SDK1: variants seen among roughly 807,000 people sequenced by gnomAD.
SDK1 encodes sidekick cell adhesion molecule 1.
Under a neutral mutation model 245.5 loss-of-function variants are expected in SDK1, and 157 were observed. The observed-to-expected ratio is 0.64, with a 90% confidence interval of 0.56 to 0.73. SDK1 has a LOEUF of 0.73. Ranked by LOEUF, SDK1 falls within the 30% of genes least tolerant of loss-of-function variation. The pLI, the probability that SDK1 is intolerant of heterozygous loss-of-function variation, is 0.00. For missense variants in SDK1, 3,583 were observed against 3,002.3 expected, an observed-to-expected ratio of 1.19 and a Z score of -4.52; for synonymous variants, 1,647 against 1,278.5, an observed-to-expected ratio of 1.29 and a Z score of -6.15.
intron 5 of SDK1, among the ~76,000 whole-genome samples, chr7:3,823,360 G>T (rs997133717): frequency 1.3e-5 from 2 of 152,100 alleles, no homozygotes; most frequent in Non-Finnish European, 2.9e-5. Context: ...GTCAAAGGGG[G>T]TGAAATTCTG....
At chr7:3,565,092 TG>T (rs1455230133) in intron 1 of SDK1, among the ~76,000 whole-genome samples, 7 of 151,664 alleles carry the variant, frequency 4.6e-5, no homozygotes, top group African/African-American at 1.7e-4. Flanking sequence ...TTGCTACTAC[TG>T]TCACTTTTAT....
rs1022958021 is a variant in SDK1, at chr7:4,056,838, C to T, written c.2911+5008C>T. 5.7e-4 allele frequency among the ~76,000 whole-genome samples: 86 copies of T among 150,778 alleles called. 1 individual carries two copies. The highest frequency in any genetic ancestry group is 1.8e-4 in the Non-Finnish European group (12 of 67,894). On this transcript the variant is annotated intron_variant, in intron 19 of 44. Coordinates refer to ENST00000404826, the MANE Select transcript of SDK1 (RefSeq NM_152744.4). The stretch of plus-strand genomic sequence containing the variant: ...CACCAGACCATTCCGCCCCGGGTCC[C>T]GACAGACCATTCTGCTCCGGGTCCC...
rs182225380 is a variant in SDK1 at position 3,828,578 on chromosome 7, A to G, written c.847+6995A>G. Among the ~76,000 whole-genome samples the G allele has an allele frequency of 5.5e-4, 83 of 151,560 alleles. 1 individual carries two copies. The highest frequency in any genetic ancestry group is 1.8e-3 in the African/African-American group (76 of 41,466). ...AATTGTAACAATAACTCAATCCAAG[A>G]GAAGGTTTGTTTTGGTTTGGTTTGC... On this transcript the variant is annotated intron_variant, in intron 5 of 44. Transcript: ENST00000404826.
At chr7:3,623,314 C>G (rs945590231) in intron 2 of SDK1, among the ~76,000 whole-genome samples, 1 of 139,964 alleles carries the variant, frequency 7.1e-6, no homozygotes, top group African/African-American at 2.7e-5. Flanking sequence ...GTGGAGCGAT[C>G]TCGGCTCACT....
At chr7:3,712,612 A>G (rs923577822) in intron 4 of SDK1, among the ~76,000 whole-genome samples, 2 of 152,162 alleles carry the variant, frequency 1.3e-5, no homozygotes, top group African/African-American at 2.4e-5. Flanking sequence ...ACAGCATTAT[A>G]ACGATATTGT....
chr7:3,949,309 T>A (rs1299475349), intron 5 of SDK1, among the ~76,000 whole-genome samples: 1 of 152,228 alleles, frequency 6.6e-6, no homozygotes, highest in Non-Finnish European at 1.5e-5. Context: ...GGCTTCTGTT[T>A]TTCTTTTAGA....
intron 1 of SDK1, among the ~76,000 whole-genome samples, chr7:3,341,975 G>A (rs1311789987): frequency 6.6e-6 from 1 of 152,026 alleles, no homozygotes; most frequent in Non-Finnish European, 1.5e-5. Context: ...TAACTAAAAC[G>A]ATCTAGTAAA....
At chr7:3,873,378 C>G (rs1351857861) in intron 5 of SDK1, among the ~76,000 whole-genome samples, 2 of 151,788 alleles carry the variant, frequency 1.3e-5, no homozygotes. Flanking sequence ...TTTTATTTGT[C>G]CCTTCTTTTT....
intron 5 of SDK1, among the ~76,000 whole-genome samples, chr7:3,824,247 A>G (rs933185654): frequency 2.6e-5 from 4 of 152,182 alleles, no homozygotes; most frequent in Non-Finnish European, 5.9e-5. Flanking sequence ...AGACTTAGAT[A>G]TCTTTTTCTT....
At chr7:3,522,450 A>G (rs771385172) in intron 1 of SDK1, among the ~76,000 whole-genome samples, 1 of 152,190 alleles carries the variant, frequency 6.6e-6, no homozygotes, top group African/African-American at 2.4e-5. Flanking sequence ...CTTCAGACCC[A>G]CAGCTTAAAA....
At chr7:3,317,151 A>G (rs1195094170) in intron 1 of SDK1, among the ~76,000 whole-genome samples, 5 of 133,778 alleles carry the variant, frequency 3.7e-5, no homozygotes, top group African/African-American at 5.9e-5. Context: ...ACTGCATTCC[A>G]ACCTGGGCAA....
intron 44 of SDK1, among the ~76,000 whole-genome samples, chr7:4,259,286 A>G (rs921348712): frequency 5.3e-5 from 8 of 152,140 alleles, no homozygotes; most frequent in Admixed American, 3.3e-4. Context: ...TAAAAATACA[A>G]AAATTAGCCA....
At chr7:3,499,995 G>A (rs755358313) in intron 1 of SDK1, among the ~76,000 whole-genome samples, 4 of 152,158 alleles carry the variant, frequency 2.6e-5, no homozygotes, top group Non-Finnish European at 5.9e-5. Flanking sequence ...GATAGAGTGG[G>A]AACTCCATTA....
chr7:3,439,501 G>T (rs142527955), intron 1 of SDK1, among the ~76,000 whole-genome samples: 1 of 152,126 alleles, frequency 6.6e-6, no homozygotes, highest in Non-Finnish European at 1.5e-5. Context: ...CAGTTAATGT[G>T]CCAAGAAGCA....
intron 20 of SDK1, among the ~76,000 whole-genome samples, chr7:4,074,777 C>T (rs753746412): frequency 1.4e-4 from 21 of 149,854 alleles, no homozygotes; most frequent in Non-Finnish European, 1.6e-4. Flanking sequence ...GTGGGAGAAT[C>T]GCTTGGGTTG....
intron 25 of SDK1, among the ~76,000 whole-genome samples, chr7:4,114,591 A>T (rs1783578368): frequency 2.0e-5 from 3 of 152,234 alleles, no homozygotes; most frequent in Admixed American, 1.3e-4. Context: ...GGGAATCTTT[A>T]AAATACAAGG....
At chr7:3,887,091 G>A (rs1339591066) in intron 5 of SDK1, among the ~76,000 whole-genome samples, 1 of 152,120 alleles carries the variant, frequency 6.6e-6, no homozygotes, top group African/African-American at 2.4e-5. Context: ...AAACAACTCG[G>A]TAATCTCAGT....
chr7:3,584,653 G>T (rs1340348584), intron 1 of SDK1, among the ~76,000 whole-genome samples: 3 of 152,250 alleles, frequency 2.0e-5, no homozygotes, highest in African/African-American at 7.2e-5. Flanking sequence ...CACGTGCTTG[G>T]GCGTGTCCGC....
intron 25 of SDK1, among the ~76,000 whole-genome samples, chr7:4,115,735 A>C (rs1384841198): frequency 6.6e-6 from 1 of 152,168 alleles, no homozygotes; most frequent in African/African-American, 2.4e-5. Flanking sequence ...CCCTCTCTGC[A>C]ACCCAGAGCC....
Sources: allele counts gnomAD v4.1 joint callset (sites outside exome capture counted in the v4.1 genomes callset), GRCh38; gene constraint gnomAD v4.1.1; transcripts MANE v1.5; gene names NCBI Gene and HGNC (gene_info 2026-07-23, HGNC 2026-07-21).